The following AVEN variants were observed in gnomAD, a reference collection of about 807,000 sequenced individuals.
AVEN encodes the protein apoptosis and caspase activation inhibitor.
In AVEN, 41 loss-of-function variants were observed where a neutral mutation model predicts 38.1. The observed-to-expected ratio is 1.08, with a 90% CI of 0.84 to 1.40. AVEN has a LOEUF of 1.40. Among genes scored for constraint, AVEN ranks in the 40% most tolerant of loss-of-function variants. The pLI is 0.00. For synonymous variants in AVEN, 206 were observed against 171.8 expected (o/e 1.20, Z -1.56); for missense variants, 605 against 438.8 (o/e 1.38, Z -3.38).
At chr15:33,869,935 G>C (rs1474058333) in intron 4 of AVEN, among the ~76,000 whole-genome samples, 1 of 150,562 alleles carries the variant, frequency 6.6e-6, no homozygotes, top group Non-Finnish European at 1.5e-5. Context: ...GTTATCTCCT[G>C]AATTTGTATT....
chr15:34,017,008 G>A (rs59513231), intron 1 of AVEN, among the ~76,000 whole-genome samples: 7,821 of 73,964 alleles, frequency 0.11, 663 homozygotes, highest in African/African-American at 0.2. Flanking sequence ...GCACATCCCT[G>A]TAGTCCAAGC....
chr15:33,853,166 C>T, the AVEN span: 6 of 1,209,318 alleles, frequency 5.0e-6, no homozygotes, highest in African/African-American at 1.5e-5. Flanking sequence ...CACATACAAA[C>T]ATGAGTAAAT....
At chr15:33,922,570 G>T (rs1228445358) in intron 2 of AVEN, among the ~76,000 whole-genome samples, 3 of 152,084 alleles carry the variant, frequency 2.0e-5, no homozygotes, top group Non-Finnish European at 2.9e-5. Flanking sequence ...GAGCAGCTGG[G>T]ACTACTGGCA....
chr15:33,924,082 T>C (rs473670), intron 2 of AVEN, among the ~76,000 whole-genome samples: 105,071 of 151,606 alleles, frequency 0.69, 36,733 homozygotes, highest in East Asian at 0.81. Flanking sequence ...CCCCCCCTTT[T>C]CTGGTCCACA....
chr15:33,944,722 T>C (rs890947510), intron 2 of AVEN, among the ~76,000 whole-genome samples: 13 of 151,088 alleles, frequency 8.6e-5, no homozygotes, highest in Admixed American at 1.3e-4. Context: ...GGCAGGAGAA[T>C]GGCATGAACT....
chr15:33,936,774 A>G (rs1481023777), intron 2 of AVEN, among the ~76,000 whole-genome samples: 1 of 152,258 alleles, frequency 6.6e-6, no homozygotes, highest in African/African-American at 2.4e-5. Context: ...GATTTATTGT[A>G]TAACTTTAAT....
chr15:33,883,109 G>A (rs1891559327), intron 2 of AVEN, among the ~76,000 whole-genome samples: 1 of 152,154 alleles, frequency 6.6e-6, no homozygotes, highest in African/African-American at 2.4e-5. Context: ...TATTTGAGAA[G>A]ACAAGCGTAG....
chr15:33,960,793 C>T (rs75838089), intron 2 of AVEN, among the ~76,000 whole-genome samples: 2,236 of 152,196 alleles, frequency 0.015, 44 homozygotes, highest in African/African-American at 0.05. Context: ...TTGTCTTCCG[C>T]GGTCCATTCA....
At chr15:33,870,908 G>A (rs761830276) in intron 4 of AVEN, 27 bp downstream of exon 4, 58 of 1,570,046 alleles carry the variant, frequency 3.7e-5, no homozygotes, top group Non-Finnish European at 4.6e-5. Context: ...TAATCCACCC[G>A]CTTCAAGAGG....
intron 1 of AVEN, among the ~76,000 whole-genome samples, chr15:34,009,998 T>C (rs1010006092): frequency 3.9e-5 from 6 of 151,916 alleles, no homozygotes; most frequent in Admixed American, 3.9e-4. Flanking sequence ...ATTATGAACA[T>C]ATAAACATAT....
At chr15:33,870,892 C>T in intron 4 of AVEN, 43 bp downstream of exon 4, 1 of 1,470,000 alleles carries the variant, frequency 6.8e-7, no homozygotes, top group South Asian at 1.2e-5. Flanking sequence ...TTTTCTCCTC[C>T]TGCCCTAATC....
intron 1 of AVEN, among the ~76,000 whole-genome samples, chr15:34,074,425 C>T (rs954780097): frequency 1.3e-5 from 2 of 152,124 alleles, no homozygotes. Context: ...TTTAGAACAA[C>T]AAAAATTTAC....
intron 11 of AVEN, chr15:33,861,138 G>A (rs1888051929): frequency 6.3e-7 from 1 of 1,597,224 alleles, no homozygotes; most frequent in African/African-American, 1.3e-5. Flanking sequence ...TCATGGTTTT[G>A]AAACACATAC....
At chr15:33,887,405 T>C (rs1265247280) in intron 2 of AVEN, among the ~76,000 whole-genome samples, 3 of 152,160 alleles carry the variant, frequency 2.0e-5, no homozygotes. Context: ...AGTTCTAACA[T>C]AGGGTAATTA....
chr15:33,884,567 G>A (rs1383980851), intron 2 of AVEN, among the ~76,000 whole-genome samples: 5 of 152,136 alleles, frequency 3.3e-5, no homozygotes, highest in Admixed American at 3.3e-4. Flanking sequence ...TGGCAAAGTG[G>A]ACATTAAACT....
chr15:33,852,869 C>T, the AVEN span: 17 of 594,634 alleles, frequency 2.9e-5, no homozygotes, highest in African/African-American at 3.2e-4. Context: ...TGAAGCCATA[C>T]ATGACTCAGT....
At position 33,960,443 on chromosome 15, in the gene AVEN, TGAGAGA is replaced by T. The variant is rs57914477; in HGVS notation, c.445+42583_445+42588del. Reference sequence around the variant, plus strand: ...CTCGTGTGTGTGTGTGTTGTGTGTGTGAGAGAGAGAGAGAGAGATTTTGTTGCCACT... The same window carrying T: ...CTCGTGTGTGTGTGTGTTGTGTGTGTGAGAGAGAGAGATTTTGTTGCCACT... On this transcript the variant is annotated intron_variant, in intron 2 of 5. Transcript: ENST00000306730. 8.6e-5 allele frequency among the ~76,000 whole-genome samples: 13 copies of T among 150,686 alleles called. 1 individual carries two copies. In the South Asian group the frequency reaches 1.9e-3, roughly 22 times the overall value.
intron 2 of AVEN, among the ~76,000 whole-genome samples, chr15:33,918,456 A>G (rs1279255224): frequency 7.9e-6 from 1 of 126,794 alleles, no homozygotes; most frequent in Non-Finnish European, 1.6e-5. Context: ...CTTAAATTAC[A>G]GCTTTTTTTT....
At chr15:34,026,301 C>T (rs1898469382) in intron 1 of AVEN, among the ~76,000 whole-genome samples, 1 of 151,930 alleles carries the variant, frequency 6.6e-6, no homozygotes, top group Non-Finnish European at 1.5e-5. Flanking sequence ...CTTTTATTTT[C>T]TTCTTGGTAT....
Sources: allele counts gnomAD v4.1 joint callset (sites outside exome capture counted in the v4.1 genomes callset), GRCh38; gene constraint gnomAD v4.1.1; transcripts MANE v1.5; gene names NCBI Gene and HGNC (gene_info 2026-07-23, HGNC 2026-07-21).